DNAH11: variants seen among roughly 807,000 people sequenced by gnomAD.
The protein encoded by DNAH11 is axonemal beta dynein heavy chain 11.
A neutral mutation model predicts 526.0 loss-of-function variants in DNAH11; 442 were observed. The ratio of observed to expected loss-of-function variants is 0.84; its 90% CI spans 0.78 to 0.91. DNAH11 has a LOEUF of 0.91. DNAH11 is among the 40% of genes least tolerant of loss of function. The pLI is 0.00. For missense variants in DNAH11, 6,989 were observed against 5,448.7 expected, an observed-to-expected ratio of 1.28 and a Z score of -8.90; for synonymous variants, 2,461 against 1,935.9, an observed-to-expected ratio of 1.27 and a Z score of -7.12.
chr7:21,635,755 A>G, intron 25 of DNAH11, 116 bp from the exon 26 acceptor site: 1 of 755,638 alleles, frequency 1.3e-6, no homozygotes. Context: ...AGTTCCAGAT[A>G]TTACATGCTA....
rs1404923534 is a variant in DNAH11 at position 21,601,635 on chromosome 7, A to AATAATCAT, written c.3648+19_3648+26dup. On this transcript the variant is annotated intron_variant, in intron 18 of 81. Transcript: ENST00000409508. ...CAGCTAGAGGTAAGTGCAGAGGTGAAATAATCATAATTACCATAAATTGAG... is the reference window on the plus strand; with the variant it reads ...CAGCTAGAGGTAAGTGCAGAGGTGAAATAATCATATAATCATAATTACCATAAATTGAG... 1.1e-5 allele frequency: 17 copies of AATAATCAT among 1,506,476 alleles called. No homozygotes were observed. The African/African-American group carries it at 2.4e-4, about 21-fold the overall frequency. The allele number at this position is 1,506,476 out of a possible 1,614,324, so 93.3% of individuals were successfully genotyped here.
At chr7:21,588,723 C>A in intron 11 of DNAH11, 87 bp downstream of exon 11, 1 of 1,472,396 alleles carries the variant, frequency 6.8e-7, no homozygotes, top group Non-Finnish European at 9.4e-7. Flanking sequence ...CATATTAGCA[C>A]TTAGGAAGCC....
At chr7:21,734,625 G>A (rs903145060) in intron 45 of DNAH11, among the ~76,000 whole-genome samples, 4 of 152,194 alleles carry the variant, frequency 2.6e-5, no homozygotes, top group African/African-American at 7.2e-5. Context: ...GGGAGGCTGA[G>A]GCAGGTGATC....
intron 61 of DNAH11, among the ~76,000 whole-genome samples, chr7:21,800,262 G>T (rs1788914825): frequency 6.6e-6 from 1 of 152,138 alleles, no homozygotes; most frequent in African/African-American, 2.4e-5. Flanking sequence ...GCAGCCCTGT[G>T]ATTCACACAT....
At chr7:21,695,706 CA>C (rs1290778355) in intron 35 of DNAH11, among the ~76,000 whole-genome samples, 1 of 152,036 alleles carries the variant, frequency 6.6e-6, no homozygotes, top group Non-Finnish European at 1.5e-5. Flanking sequence ...ACTAAAACAC[CA>C]AAGCAATTGC....
At chr7:21,876,549 C>A (rs1218750623) in intron 74 of DNAH11, among the ~76,000 whole-genome samples, 2 of 152,156 alleles carry the variant, frequency 1.3e-5, no homozygotes, top group African/African-American at 4.8e-5. Flanking sequence ...ATAACAGTGG[C>A]TTATACAAGG....
intron 28 of DNAH11, among the ~76,000 whole-genome samples, chr7:21,652,193 C>T (rs1781806449): frequency 6.6e-6 from 1 of 152,194 alleles, no homozygotes; most frequent in African/African-American, 2.4e-5. Flanking sequence ...AACTTGGGAA[C>T]ATAAACGACA....
At chr7:21,756,480 C>CTA (rs1441641298) in intron 54 of DNAH11, among the ~76,000 whole-genome samples, 1 of 151,990 alleles carries the variant, frequency 6.6e-6, no homozygotes, top group Non-Finnish European at 1.5e-5. Context: ...AGATCACCTT[C>CTA]CTTTTCTACA....
chr7:21,593,561 C>T (rs933917445), intron 14 of DNAH11, among the ~76,000 whole-genome samples: 3 of 134,892 alleles, frequency 2.2e-5, no homozygotes, highest in Non-Finnish European at 3.4e-5. Context: ...TGGAAGAAAG[C>T]CATTGAGGGA....
chr7:21,741,926 G>C lies in DNAH11; in HGVS notation c.7915-1G>C. ...ACTCTTATATTTGCTTTTCTTTTCA[G>C]AGACATTTCACAGTGTTTGCATTCA... On this transcript the variant is annotated splice_acceptor_variant, in intron 48 of 81. Coordinates refer to ENST00000409508, the MANE Select transcript of DNAH11 (RefSeq NM_001277115.2). LOFTEE classifies it high-confidence loss of function. 6.2e-7 allele frequency: 1 copy of C among 1,613,216 alleles called. No individual in the cohort carries two copies. Among genetic ancestry groups the C allele is most frequent in the East Asian group, 2.2e-5 (1 of 44,856 alleles).
At chr7:21,547,387 A>G (rs1009370475) in intron 2 of DNAH11, among the ~76,000 whole-genome samples, 2 of 152,222 alleles carry the variant, frequency 1.3e-5, no homozygotes, top group Non-Finnish European at 2.9e-5. Context: ...CAGAAGCAAG[A>G]CTTTTAATGG....
At chr7:21,818,433 C>T in intron 65 of DNAH11, 94 bp downstream of exon 65, 2 of 1,390,588 alleles carry the variant, frequency 1.4e-6, no homozygotes, top group Non-Finnish European at 1.9e-6. Context: ...CTATTGAAAT[C>T]TTAGTGATAT....
intron 65 of DNAH11, among the ~76,000 whole-genome samples, chr7:21,832,255 T>C (rs1185276472): frequency 6.6e-6 from 1 of 152,196 alleles, no homozygotes; most frequent in Non-Finnish European, 1.5e-5. Context: ...TGTTAGTTGA[T>C]GCAGTTTCTT....
chr7:21,884,229 G>C, intron 75 of DNAH11, 62 bp from the exon 76 acceptor site: 1 of 1,479,182 alleles, frequency 6.8e-7, no homozygotes, highest in Non-Finnish European at 9.0e-7. Context: ...CGTGCTACTG[G>C]TTGGCTACTC....
chr7:21,645,667 G>C (rs966071928), intron 28 of DNAH11, among the ~76,000 whole-genome samples: 1 of 138,880 alleles, frequency 7.2e-6, no homozygotes, highest in East Asian at 1.9e-4. Flanking sequence ...AGGGGGAGGA[G>C]GAATCTACTA....
rs1388261803 is a variant in DNAH11 at position 21,543,483 on chromosome 7, T to C, written c.238T>C (p.Tyr80His). 1.2e-6 allele frequency: 2 copies of C among 1,600,042 alleles called. No individual in the cohort carries two copies. The highest frequency in any genetic ancestry group is 1.3e-5 in the African/African-American group (1 of 74,722). Residue 80 changes from tyrosine to histidine, a missense_variant, in exon 1 of 82, where the codon TAT becomes CAT. Physicochemically the swap from Tyr to His is moderately conservative, Grantham distance 83. Coordinates refer to ENST00000409508, the MANE Select transcript of DNAH11 (RefSeq NM_001277115.2). ...GTTCACGGAGGAGAAATGGAGCCAGTATTTGGAAAGCGAGGACAACCGGCA... is the reference window on the plus strand; with the variant it reads ...GTTCACGGAGGAGAAATGGAGCCAGCATTTGGAAAGCGAGGACAACCGGCA... ...LGFTEEKWSQ[Y>H]LESEDNRQVL...
In DNAH11 at chr7:21,717,869, A is replaced by C. The variant is rs1784724670; in HGVS notation, c.7078A>C (p.Lys2360Gln). ...TAAATATGTCCCTGCATGCTTGGAT[A>C]AACTGAGAACAAGCTTTAAAACCAT... Reference protein sequence around the residue: ...FDKYVPACLDKLRTSFKTITS... With the variant: ...FDKYVPACLDQLRTSFKTITS... Residue 2360 changes from lysine to glutamine, a missense_variant, in exon 43 of 82, where the codon AAA becomes CAA. Physicochemically the swap from Lys to Gln is moderately conservative, Grantham distance 53 (BLOSUM62 1). Coordinates refer to ENST00000409508, the MANE Select transcript of DNAH11 (RefSeq NM_001277115.2). 4 of 1,613,944 alleles carry C rather than the reference A, an allele frequency of 2.5e-6. No homozygotes were observed. The highest frequency in any genetic ancestry group is 3.4e-6 in the Non-Finnish European group (4 of 1,179,836).
chr7:21,721,727 A>C (rs1035759302), intron 44 of DNAH11, among the ~76,000 whole-genome samples: 3 of 152,032 alleles, frequency 2.0e-5, no homozygotes, highest in Non-Finnish European at 4.4e-5. Context: ...AAATATCATC[A>C]CACTGTGGGG....
chr7:21,748,751 A>AG lies in DNAH11; in HGVS notation c.8673+13dup. Reference sequence around the variant, plus strand: ...GAATCCAGGAACTTCGGGTGAGTCAAGGGGACAGGCAGTTCTTCTGACCCT... The same window carrying AG: ...GAATCCAGGAACTTCGGGTGAGTCAAGGGGGACAGGCAGTTCTTCTGACCCT... On this transcript the variant is annotated intron_variant, in intron 52 of 81. Transcript: ENST00000409508. The AG allele has an allele frequency of 6.2e-7, 1 of 1,611,504 alleles. No individual in the cohort carries two copies. Among genetic ancestry groups the AG allele is most frequent in the East Asian group, 2.2e-5 (1 of 44,750 alleles).
Sources: allele counts gnomAD v4.1 joint callset (sites outside exome capture counted in the v4.1 genomes callset), GRCh38; gene constraint gnomAD v4.1.1; transcripts MANE v1.5; gene names NCBI Gene and HGNC (gene_info 2026-07-23, HGNC 2026-07-21).